The following ITGA9 variants were observed in gnomAD, a reference collection of about 807,000 sequenced individuals.
The protein encoded by ITGA9 is integrin alpha-9.
A neutral mutation model predicts 127.8 loss-of-function variants in ITGA9; 56 were observed. The observed-to-expected ratio is 0.44, with a 90% CI of 0.35 to 0.55. The LOEUF is 0.55. Ranked by LOEUF, ITGA9 falls within the 20% of genes least tolerant of loss-of-function variation. The pLI is 0.00. For synonymous variants in ITGA9, 508 were observed against 514.5 expected, an observed-to-expected ratio of 0.99 and a Z score of 0.17; for missense variants, 1,196 against 1,347.1, an observed-to-expected ratio of 0.89 and a Z score of 1.76.
chr3:37,802,976 C>G (rs972491099), intron 26 of ITGA9, among the ~76,000 whole-genome samples: 1 of 152,218 alleles, frequency 6.6e-6, no homozygotes, highest in Non-Finnish European at 1.5e-5. Flanking sequence ...AGTACAGCCT[C>G]TCGAACGAGT....
chr3:37,459,323 C>G (rs1698293168), intron 1 of ITGA9, among the ~76,000 whole-genome samples: 2 of 152,206 alleles, frequency 1.3e-5, no homozygotes, highest in South Asian at 4.1e-4. Context: ...GAATTTATTT[C>G]TCACAGATCT....
chr3:37,547,428 C>G (rs1394109165), intron 15 of ITGA9, among the ~76,000 whole-genome samples: 1 of 152,166 alleles, frequency 6.6e-6, no homozygotes, highest in Non-Finnish European at 1.5e-5. Flanking sequence ...GGGATCTGCC[C>G]AGGTGTTTTG....
chr3:37,601,675 C>G (rs913502748), intron 15 of ITGA9, among the ~76,000 whole-genome samples: 3 of 152,210 alleles, frequency 2.0e-5, no homozygotes, highest in Non-Finnish European at 4.4e-5. Flanking sequence ...GTCTTTATCT[C>G]TGACATCAAT....
intron 23 of ITGA9, among the ~76,000 whole-genome samples, chr3:37,758,922 C>A (rs956573598): frequency 2.0e-5 from 3 of 152,210 alleles, no homozygotes; most frequent in African/African-American, 7.2e-5. Context: ...GACCCACCAA[C>A]TGAGGGTGAA....
At chr3:37,693,600 G>T (rs939130099) in intron 18 of ITGA9, among the ~76,000 whole-genome samples, 4 of 152,184 alleles carry the variant, frequency 2.6e-5, no homozygotes, top group African/African-American at 9.7e-5. Context: ...TGCTAATCTG[G>T]ATAGAGCAGG....
intron 23 of ITGA9, among the ~76,000 whole-genome samples, chr3:37,774,207 C>G (rs532044009): frequency 7.2e-5 from 11 of 152,318 alleles, no homozygotes; most frequent in African/African-American, 2.2e-4. Context: ...TTACGTATTG[C>G]TTTCTAAAAT....
intron 16 of ITGA9, among the ~76,000 whole-genome samples, chr3:37,636,264 C>T (rs1700277785): frequency 6.6e-6 from 1 of 152,138 alleles, no homozygotes; most frequent in African/African-American, 2.4e-5. Context: ...TAAAAGTCTT[C>T]CTATTTCTCC....
chr3:37,587,854 T>G (rs1254448771), intron 15 of ITGA9, among the ~76,000 whole-genome samples: 13 of 152,192 alleles, frequency 8.5e-5, no homozygotes. Flanking sequence ...CCTTGCAACA[T>G]TAGAACCAGA....
intron 14 of ITGA9, among the ~76,000 whole-genome samples, chr3:37,541,500 C>T (rs1699269858): frequency 6.6e-6 from 1 of 152,154 alleles, no homozygotes; most frequent in Non-Finnish European, 1.5e-5. Context: ...AGAGGTAGAT[C>T]CTTCCAGGTT....
intron 1 of ITGA9, among the ~76,000 whole-genome samples, chr3:37,462,767 C>T (rs887158075): frequency 1.1e-4 from 17 of 152,250 alleles, no homozygotes; most frequent in African/African-American, 3.9e-4. Context: ...CCATAATCTA[C>T]TCTTGCAAAT....
chr3:37,631,011 G>C (rs1472644931), intron 16 of ITGA9, among the ~76,000 whole-genome samples: 1 of 152,098 alleles, frequency 6.6e-6, no homozygotes, highest in Non-Finnish European at 1.5e-5. Context: ...TGACAGGGAA[G>C]TGGGGAGAAG....
chr3:37,819,093 CCA>C lies in ITGA9; in HGVS notation c.*106_*107del, dbSNP rs111503233. 1 of 857,810 alleles carries C rather than the reference CCA, an allele frequency of 1.2e-6. No homozygotes were observed. The highest frequency in any genetic ancestry group is 1.7e-5 in the African/African-American group (1 of 59,808). 53.1% of individuals were successfully genotyped at this position (857,810 alleles called of 1,614,324 possible). A position where few individuals can be genotyped will look rare whatever the true frequency, so the allele number is the denominator to read the frequency against. ...ATCTTCTCCAGATTTTTCGGAGGCC[CCA>C]CTGATGCTGTTCTCTTCTTCATTCT... On this transcript the variant is annotated 3_prime_UTR_variant, in exon 28 of 28. Transcript: ENST00000264741.
chr3:37,578,435 G>C (rs113425188), intron 15 of ITGA9, among the ~76,000 whole-genome samples: 110 of 152,278 alleles, frequency 7.2e-4, no homozygotes, highest in African/African-American at 2.4e-3. Flanking sequence ...AGGCCAGTCA[G>C]CTTTTGGATG....
chr3:37,578,086 G>A (rs1467156791), intron 15 of ITGA9, among the ~76,000 whole-genome samples: 1 of 152,188 alleles, frequency 6.6e-6, no homozygotes, highest in African/African-American at 2.4e-5. Context: ...GATATTTTTA[G>A]TTCTAGAAAG....
intron 7 of ITGA9, among the ~76,000 whole-genome samples, chr3:37,507,686 A>G (rs1698859841): frequency 6.6e-6 from 1 of 152,172 alleles, no homozygotes; most frequent in South Asian, 2.1e-4. Flanking sequence ...ATAGTGACAA[A>G]GTTGCTGACA....
chr3:37,562,604 G>A (rs2555239), intron 15 of ITGA9, among the ~76,000 whole-genome samples: 1 of 151,994 alleles, frequency 6.6e-6, no homozygotes, highest in Non-Finnish European at 1.5e-5. Context: ...CTGTTAGCCA[G>A]TTTCCTCAAA....
intron 18 of ITGA9, among the ~76,000 whole-genome samples, chr3:37,724,205 G>A (rs771363939): frequency 9.9e-5 from 15 of 152,038 alleles, no homozygotes; most frequent in South Asian, 2.1e-4. Context: ...GCCTTGTCCT[G>A]AAACATCTAC....
At chr3:37,478,931 C>G (rs1470036954) in intron 3 of ITGA9, among the ~76,000 whole-genome samples, 1 of 152,112 alleles carries the variant, frequency 6.6e-6, no homozygotes, top group Non-Finnish European at 1.5e-5. Flanking sequence ...GACAATACAC[C>G]AGACATTAAG....
intron 15 of ITGA9, among the ~76,000 whole-genome samples, chr3:37,565,641 T>G (rs991636869): frequency 2.6e-5 from 4 of 152,130 alleles, no homozygotes; most frequent in Non-Finnish European, 5.9e-5. Flanking sequence ...ATAATGAAAA[T>G]GTACTTAATG....
Sources: allele counts gnomAD v4.1 joint callset (sites outside exome capture counted in the v4.1 genomes callset), GRCh38; gene constraint gnomAD v4.1.1; transcripts MANE v1.5; gene names NCBI Gene and HGNC (gene_info 2026-07-23, HGNC 2026-07-21).